Variants in LRMDA observed in about 807,000 individuals in gnomAD.
LRMDA encodes the protein leucine-rich melanocyte differentiation-associated protein.
In LRMDA, 18 loss-of-function variants were observed where a neutral mutation model predicts 29.8. The observed-to-expected ratio is 0.60, with a 90% CI of 0.42 to 0.90. LRMDA has a LOEUF of 0.90. LRMDA is among the 40% of genes least tolerant of loss of function. The pLI is 0.00. For missense variants in LRMDA, 273 were observed against 273.9 expected, an observed-to-expected ratio of 1.00 and a Z score of 0.02; for synonymous variants, 125 against 109.4, an observed-to-expected ratio of 1.14 and a Z score of -0.89.
chr10:76,041,406 G>C (rs1848336048), intron 3 of LRMDA, among the ~76,000 whole-genome samples: 1 of 152,176 alleles, frequency 6.6e-6, no homozygotes, highest in Non-Finnish European at 1.5e-5. Context: ...TCATGTACTA[G>C]CTGTGTGACC....
intron 2 of LRMDA, among the ~76,000 whole-genome samples, chr10:75,612,824 A>G (rs1329803072): frequency 6.6e-6 from 1 of 152,006 alleles, no homozygotes; most frequent in Non-Finnish European, 1.5e-5. Context: ...AAATGAAAAA[A>G]AAAACCTGGG....
intron 5 of LRMDA, among the ~76,000 whole-genome samples, chr10:76,287,881 C>T (rs988325914): frequency 2.0e-5 from 3 of 152,140 alleles, no homozygotes; most frequent in Non-Finnish European, 2.9e-5. Context: ...TGCTGCACTA[C>T]GTGGTTTGGG....
intron 2 of LRMDA, among the ~76,000 whole-genome samples, chr10:75,507,001 C>T (rs561523309): frequency 7.4e-4 from 113 of 151,942 alleles, no homozygotes; most frequent in Admixed American, 2.9e-3. Flanking sequence ...TGGGTGAGTG[C>T]GTGTTTGGGG....
intron 6 of LRMDA, among the ~76,000 whole-genome samples, chr10:76,547,154 C>CT (rs766353937): frequency 2.0e-5 from 3 of 152,006 alleles, no homozygotes; most frequent in Non-Finnish European, 4.4e-5. Context: ...GATGGCATAT[C>CT]TTTTTGAACT....
At chr10:75,647,096 C>T (rs1206077889) in intron 2 of LRMDA, among the ~76,000 whole-genome samples, 2 of 152,174 alleles carry the variant, frequency 1.3e-5, no homozygotes, top group African/African-American at 2.4e-5. Flanking sequence ...GCTTTTCCCC[C>T]GGACCTCCCC....
At chr10:75,622,830 T>C (rs890605513) in intron 2 of LRMDA, among the ~76,000 whole-genome samples, 1 of 152,210 alleles carries the variant, frequency 6.6e-6, no homozygotes, top group East Asian at 1.9e-4. Flanking sequence ...GTGAATAATA[T>C]TGATTTAGTG....
At chr10:76,040,641 G>T (rs1848325075) in intron 3 of LRMDA, among the ~76,000 whole-genome samples, 1 of 152,148 alleles carries the variant, frequency 6.6e-6, no homozygotes, top group Admixed American at 6.5e-5. Context: ...ACCAGGAGGG[G>T]TGGGATATTT....
At chr10:75,685,846 C>A (rs970717914) in intron 2 of LRMDA, among the ~76,000 whole-genome samples, 3 of 152,144 alleles carry the variant, frequency 2.0e-5, no homozygotes, top group African/African-American at 7.2e-5. Context: ...ATCACAATAA[C>A]AAACAAAAAC....
chr10:75,669,745 A>T (rs1235960753), intron 2 of LRMDA, among the ~76,000 whole-genome samples: 1 of 152,220 alleles, frequency 6.6e-6, no homozygotes, highest in Non-Finnish European at 1.5e-5. Flanking sequence ...ACGCCTCAGT[A>T]CTTTTTGGTG....
intron 2 of LRMDA, among the ~76,000 whole-genome samples, chr10:75,990,197 A>C (rs781387855): frequency 6.6e-6 from 1 of 152,174 alleles, no homozygotes; most frequent in Non-Finnish European, 1.5e-5. Context: ...ACACGGACTT[A>C]TTTATTATCC....
intron 2 of LRMDA, among the ~76,000 whole-genome samples, chr10:75,618,283 CTCTTTAGTTCTT>C (rs1841129974): frequency 6.6e-6 from 1 of 151,220 alleles, no homozygotes; most frequent in Non-Finnish European, 1.5e-5. Context: ...AACATCCATT[CTCTTTAGTTCTT>C]TCTTTTCTTA....
intron 2 of LRMDA, among the ~76,000 whole-genome samples, chr10:75,719,418 G>A (rs1469908571): frequency 6.6e-6 from 1 of 152,196 alleles, no homozygotes; most frequent in Non-Finnish European, 1.5e-5. Flanking sequence ...ATAAAAAGAA[G>A]TTTCACAATT....
chr10:76,308,609 G>T (rs10824392), intron 5 of LRMDA, among the ~76,000 whole-genome samples: 1 of 151,848 alleles, frequency 6.6e-6, no homozygotes, highest in African/African-American at 2.4e-5. Flanking sequence ...CAGAGACCAT[G>T]GGGCTGCTGC....
chr10:75,928,042 A>ACATCATCATCAT (rs3042520), intron 2 of LRMDA, among the ~76,000 whole-genome samples: 8 of 150,836 alleles, frequency 5.3e-5, no homozygotes, highest in Admixed American at 2.0e-4. Context: ...TTTTAGTTTA[A>ACATCATCATCAT]CATCATCATC....
intron 2 of LRMDA, among the ~76,000 whole-genome samples, chr10:75,972,234 A>G (rs1846985980): frequency 6.6e-6 from 1 of 152,150 alleles, no homozygotes; most frequent in Admixed American, 6.5e-5. Context: ...GTTTCAGTGA[A>G]AGGAAAGAAG....
intron 2 of LRMDA, among the ~76,000 whole-genome samples, chr10:75,949,540 G>T (rs913803594): frequency 5.3e-5 from 8 of 152,290 alleles, no homozygotes; most frequent in Non-Finnish European, 1.0e-4. Flanking sequence ...AGGCCATGGG[G>T]TATAATTGGA....
intron 2 of LRMDA, among the ~76,000 whole-genome samples, chr10:75,452,084 T>C (rs1844468272): frequency 6.6e-6 from 1 of 152,132 alleles, no homozygotes; most frequent in Non-Finnish European, 1.5e-5. Context: ...TTTCTTTCAG[T>C]ACCCAAGGAA....
intron 5 of LRMDA, among the ~76,000 whole-genome samples, chr10:76,163,774 G>T (rs1017360535): frequency 2.0e-5 from 3 of 152,192 alleles, no homozygotes; most frequent in African/African-American, 7.2e-5. Flanking sequence ...TTTCTGGGCT[G>T]TAGTATCTGC....
At chr10:75,909,315 G>A (rs1382892652) in intron 2 of LRMDA, among the ~76,000 whole-genome samples, 1 of 152,094 alleles carries the variant, frequency 6.6e-6, no homozygotes, top group African/African-American at 2.4e-5. Context: ...GAAATCATAT[G>A]TGGGATCCTT....
Sources: gnomAD v4.1 joint callset for allele counts (sites outside exome capture counted in the v4.1 genomes callset) on GRCh38, gnomAD v4.1.1 for gene constraint, MANE v1.5 for transcripts, NCBI Gene and HGNC (gene_info 2026-07-23, HGNC 2026-07-21) for gene names.